GPR78: variants seen among roughly 807,000 people sequenced by gnomAD.
GPR78 encodes G protein-coupled receptor 78.
GPR78 carries 29 observed loss-of-function variants against 17.9 expected under a neutral mutation model. The observed-to-expected ratio is 1.62, with a 90% CI of 1.20 to 2.21. The LOEUF is 2.21. Among genes scored for constraint, GPR78 ranks in the 30% most tolerant of loss-of-function variants. The probability of loss-of-function intolerance (pLI) is 0.00; values close to 1 mark genes in which losing one functional copy is unlikely to be tolerated. For synonymous variants in GPR78, 349 were observed against 256.9 expected (o/e 1.36, Z -3.43); for missense variants, 649 against 530.5 (o/e 1.22, Z -2.19).
Position 8,580,889 on chromosome 4 carries a change from G to T in GPR78, c.-94G>T, listed in dbSNP as rs146639307. 1.2e-3 allele frequency: 1,426 copies of T among 1,195,434 alleles called. 16 individuals are homozygous for T. The African/African-American group carries it at 0.019, about 16-fold the overall frequency. 74.1% of individuals were successfully genotyped at this position (1,195,434 alleles called of 1,614,324 possible). The stretch of plus-strand genomic sequence containing the variant: ...TCTGCACCTCCCAGAAGCCGTGGGC[G>T]CGCCGCTCAGCTGCTCCATCGCCTC... On this transcript the variant is annotated 5_prime_UTR_variant, in exon 1 of 3. Transcript: ENST00000382487.
rs1261400966 is a variant in GPR78 at position 8,589,715 on chromosome 4, C to T, written c.*2352C>T. On this transcript the variant is annotated 3_prime_UTR_variant, in exon 3 of 3. Transcript: ENST00000382487. ...CACTCAAGGAAACGCGTGCACCCTGCCCTGCTGGAAGGCACCATGGTTAGA... is the reference window on the plus strand; with the variant it reads ...CACTCAAGGAAACGCGTGCACCCTGTCCTGCTGGAAGGCACCATGGTTAGA... Among the ~76,000 whole-genome samples, 1 of 152,174 alleles carries T rather than the reference C, an allele frequency of 6.6e-6. No individual in the cohort carries two copies. The highest frequency in any genetic ancestry group is 1.5e-5 in the Non-Finnish European group (1 of 68,036).
chr4:8,580,540 G>C lies in GPR78; in HGVS notation c.-443G>C. 1 of 172,656 alleles carries C rather than the reference G, an allele frequency of 5.8e-6. No individual in the cohort carries two copies. The highest frequency in any genetic ancestry group is 1.2e-5 in the Non-Finnish European group (1 of 82,920). 10.7% of individuals were successfully genotyped at this position (172,656 alleles called of 1,614,324 possible). A position where few individuals can be genotyped will look rare whatever the true frequency, so the allele number is the denominator to read the frequency against. On this transcript the variant is annotated 5_prime_UTR_variant, in exon 1 of 3. Coordinates refer to ENST00000382487, the MANE Select transcript of GPR78 (RefSeq NM_080819.5). ...GGAGGCTCGGCTGGAGGTGTGACCA[G>C]GGCAGGGACTGACCTGGCCCGGAAC...
chr4:8,588,919 T>C lies in GPR78; in HGVS notation c.*1556T>C, dbSNP rs973065495. Among the ~76,000 whole-genome samples the C allele has an allele frequency of 6.6e-6, 1 of 152,214 alleles. No homozygotes were observed. Among genetic ancestry groups the C allele is most frequent in the Non-Finnish European group, 1.5e-5 (1 of 68,030 alleles). On this transcript the variant is annotated 3_prime_UTR_variant, in exon 3 of 3. Coordinates refer to ENST00000382487, the MANE Select transcript of GPR78 (RefSeq NM_080819.5). ...TCTGACTCTGTTGCCTAGGCTAGAG[T>C]GCAGTGGTGCAATCTCAGCTCACTG...
intron 2 of GPR78, among the ~76,000 whole-genome samples, chr4:8,586,383 C>T (rs753304536): frequency 1.7e-4 from 26 of 152,284 alleles, no homozygotes; most frequent in Non-Finnish European, 2.9e-4. Flanking sequence ...CCTAGAGACA[C>T]CCTCGAGCTT....
chr4:8,581,476 A>G lies in GPR78; in HGVS notation c.494A>G (p.Glu165Gly). The change falls in exon 1 of 3, where the codon GAG becomes GGG. Residue 165 changes from glutamate to glycine, a missense_variant. Transcript: ENST00000382487. ...SCSLRLPPEP[E>G]RPRFAAFTAT... The stretch of plus-strand genomic sequence containing the variant: ...TCGCTGCGCCTGCCGCCCGAGCCTG[A>G]GCGTCCGCGCTTCGCAGCCTTCACC... The G allele has an allele frequency of 1.3e-6, 2 of 1,592,110 alleles. No homozygotes were observed. The highest frequency in any genetic ancestry group is 1.7e-6 in the Non-Finnish European group (2 of 1,176,946).
At position 8,582,636 on chromosome 4, in the gene GPR78, C is replaced by G; in HGVS notation, c.774C>G (p.Val258=). The G allele has an allele frequency of 1.2e-6, 2 of 1,608,614 alleles. No homozygotes were observed. The highest frequency in any genetic ancestry group is 1.7e-6 in the Non-Finnish European group (2 of 1,175,098). The change falls in exon 2 of 3, where the codon GTC becomes GTG. Residue 258 remains valine (V), a synonymous_variant. Transcript: ENST00000382487. ...TCCTCATCTGCTTTGCCCCGTATGT[C>G]ATGACCAGGTGGGTCCTGGCAGTCC... ...ATFLICFAPY[V]MTRLAELVPF...
rs1713267834 is a variant in GPR78 at position 8,581,255 on chromosome 4, C to T, written c.273C>T (p.Ser91=). 3 of 1,592,214 alleles carry T rather than the reference C, an allele frequency of 1.9e-6. No individual in the cohort carries two copies. Among genetic ancestry groups the T allele is most frequent in the African/African-American group, 2.7e-5 (2 of 74,808 alleles). The part of the protein sequence containing the change: ...VIGFLDTFLA[S]NAALSVAALS... ...GCTTCCTGGACACCTTCCTGGCGTC[C>T]AACGCGGCGCTGAGCGTGGCGGCGC... The change falls in exon 1 of 3, where the codon TCC becomes TCT. Residue 91 remains serine, a synonymous_variant. Transcript: ENST00000382487.
chr4:8,589,474 C>G lies in GPR78; in HGVS notation c.*2111C>G, dbSNP rs939277953. ...ACGTGAACTCGAGACCGTGCTGCAC[C>G]CCGGTGCCCCTGTGCTTATAAGGGA... On this transcript the variant is annotated 3_prime_UTR_variant, in exon 3 of 3. Coordinates refer to ENST00000382487, the MANE Select transcript of GPR78 (RefSeq NM_080819.5). 6.6e-6 allele frequency among the ~76,000 whole-genome samples: 1 copy of G among 152,044 alleles called. No individual in the cohort carries two copies. The highest frequency in any genetic ancestry group is 2.4e-5 in the African/African-American group (1 of 41,398).
chr4:8,587,160 C>A lies in GPR78; in HGVS notation c.889C>A (p.Leu297Ile). The A allele has an allele frequency of 1.2e-6, 2 of 1,613,252 alleles. No homozygotes were observed. Among genetic ancestry groups the A allele is most frequent in the Non-Finnish European group, 1.7e-6 (2 of 1,179,940 alleles). ...AVADPFTYSL[L>I]RRPFRQVLAG... ...GGCCGACCCGTTCACGTACTCTCTGCTCCGCCGGCCGTTCCGCCAAGTCCT... is the reference window on the plus strand; with the variant it reads ...GGCCGACCCGTTCACGTACTCTCTGATCCGCCGGCCGTTCCGCCAAGTCCT... The change falls in exon 3 of 3, where the codon CTC (leucine) becomes ATC (isoleucine). Residue 297 changes from leucine to isoleucine, a missense_variant. Transcript: ENST00000382487.
intron 2 of GPR78, among the ~76,000 whole-genome samples, chr4:8,583,788 T>C (rs966938152): frequency 2.6e-5 from 4 of 152,130 alleles, no homozygotes; most frequent in Non-Finnish European, 5.9e-5. Flanking sequence ...GCCTGCCAGG[T>C]TCCCTCTGAG....
Position 8,581,291 on chromosome 4 carries a change from C to T in GPR78, c.309C>T (p.Asp103=), listed in dbSNP as rs771330518. 2.1e-5 allele frequency: 33 copies of T among 1,586,752 alleles called. No homozygotes were observed. Among genetic ancestry groups the T allele is most frequent in the Admixed American group, 5.2e-5 (3 of 57,988 alleles). Residue 103 remains aspartate (D), a synonymous_variant, in exon 1 of 3, where the codon GAC becomes GAT. Transcript: ENST00000382487. ...AALSVAALSA[D]QWLAVGFPLR... is the part of the protein sequence containing the mutation. ...TGAGCGTGGCGGCGCTGAGCGCAGA[C>T]CAGTGGCTGGCAGTGGGCTTCCCAC...
At chr4:8,586,151 G>A (rs760845664) in intron 2 of GPR78, among the ~76,000 whole-genome samples, 14 of 152,180 alleles carry the variant, frequency 9.2e-5, no homozygotes, top group South Asian at 2.1e-4. Context: ...CTGTGCTGCC[G>A]CTGGTCAGAA....
chr4:8,586,599 G>A (rs142577648), intron 2 of GPR78, among the ~76,000 whole-genome samples: 16 of 152,340 alleles, frequency 1.1e-4, no homozygotes, highest in Non-Finnish European at 1.9e-4. Flanking sequence ...CCAGGTTTGG[G>A]AGATAAATGC....
intron 2 of GPR78, among the ~76,000 whole-genome samples, chr4:8,584,516 C>T (rs1430514714): frequency 8.6e-3 from 2 of 232 alleles, no homozygotes; most frequent in African/African-American, 0.038. Context: ...CTACTCTGAG[C>T]TGGCTTTGTG....
In GPR78 at chr4:8,582,524, C is replaced by A; in HGVS notation, c.669-7C>A. ...ATCATCCTGACCACTGTCCTCTGTCCCCACAGTGTGCGGCAGCGCTGCCTC... is the reference window on the plus strand; with the variant it reads ...ATCATCCTGACCACTGTCCTCTGTCACCACAGTGTGCGGCAGCGCTGCCTC... On this transcript the variant is annotated splice_region_variant and splice_polypyrimidine_tract_variant and intron_variant, in intron 1 of 2. Transcript: ENST00000382487. The A allele has an allele frequency of 6.3e-7, 1 of 1,593,890 alleles. No homozygotes were observed. Among genetic ancestry groups the A allele is most frequent in the Non-Finnish European group, 8.6e-7 (1 of 1,169,296 alleles).
Position 8,582,573 on chromosome 4 carries a change from C to T in GPR78, c.711C>T (p.His237=), listed in dbSNP as rs757556219. The part of the protein sequence containing the change: ...RCLIQQKRRR[H]RATRKIGIAI... ...TCATCCAGCAGAAGCGGCGCCGCCACCGCGCCACCAGGAAGATTGGCATTG... is the reference window on the plus strand; with the variant it reads ...TCATCCAGCAGAAGCGGCGCCGCCATCGCGCCACCAGGAAGATTGGCATTG... Residue 237 remains histidine (H), a synonymous_variant, in exon 2 of 3, where the codon CAC becomes CAT. Transcript: ENST00000382487. The T allele has an allele frequency of 1.2e-6, 2 of 1,612,488 alleles. No homozygotes were observed. The highest frequency in any genetic ancestry group is 8.5e-7 in the Non-Finnish European group (1 of 1,179,838).
chr4:8,581,715 T>C (rs1426537255), intron 1 of GPR78, 65 bp downstream of exon 1: 72 of 1,256,394 alleles, frequency 5.7e-5, no homozygotes, highest in Non-Finnish European at 7.1e-5. Context: ...GGCAGTTGGC[T>C]TGAGGAGCCT....
chr4:8,585,341 C>T (rs973179627), intron 2 of GPR78, among the ~76,000 whole-genome samples: 5 of 152,190 alleles, frequency 3.3e-5, no homozygotes, highest in Non-Finnish European at 5.9e-5. Flanking sequence ...TGATGACTTC[C>T]ACCTGCACCG....
intron 2 of GPR78, among the ~76,000 whole-genome samples, chr4:8,586,325 CAG>C (rs1713504039): frequency 1.3e-5 from 2 of 152,216 alleles, no homozygotes. Flanking sequence ...GGCTCAGACA[CAG>C]AGTGTGAGAC....
Sources: gnomAD v4.1 joint callset for allele counts (sites outside exome capture counted in the v4.1 genomes callset) on GRCh38, gnomAD v4.1.1 for gene constraint, MANE v1.5 for transcripts, NCBI Gene and HGNC (gene_info 2026-07-23, HGNC 2026-07-21) for gene names.